EYS: variants seen among roughly 807,000 people sequenced by gnomAD.
EYS encodes the protein EGF-like photoreceptor maintenance factor.
In EYS, 250 loss-of-function variants were observed where a neutral mutation model predicts 282.1. The observed-to-expected ratio is 0.89, with a 90% CI of 0.80 to 0.98. The LOEUF is 0.98. Among genes scored for constraint, EYS ranks in the 50% least tolerant of loss-of-function variants. The pLI, the probability that EYS is intolerant of heterozygous loss-of-function variation, is 0.00. For missense variants in EYS, 4,016 were observed against 3,709.0 expected, an observed-to-expected ratio of 1.08 and a Z score of -2.15; for synonymous variants, 1,355 against 1,282.9, an observed-to-expected ratio of 1.06 and a Z score of -1.20.
intron 22 of EYS, among the ~76,000 whole-genome samples, chr6:64,697,047 C>A (rs531484361): frequency 6.6e-6 from 1 of 152,056 alleles, no homozygotes; most frequent in Non-Finnish European, 1.5e-5. Flanking sequence ...ACAACAGGAA[C>A]AAATCCTGTC....
At chr6:63,726,497 A>G (rs1469898032) in intron 42 of EYS, 22 bp downstream of exon 42, 1 of 1,540,480 alleles carries the variant, frequency 6.5e-7, no homozygotes, top group Admixed American at 2.1e-5. Flanking sequence ...CATTCTGCAA[A>G]CAAACAGCCT....
At chr6:65,633,070 A>G (rs556347590) in intron 2 of EYS, among the ~76,000 whole-genome samples, 2 of 152,346 alleles carry the variant, frequency 1.3e-5, no homozygotes, top group South Asian at 4.1e-4. Context: ...TGGCTCATAT[A>G]AAGATACTAT....
At chr6:64,578,467 C>T (rs1046678129) in intron 26 of EYS, among the ~76,000 whole-genome samples, 14 of 152,030 alleles carry the variant, frequency 9.2e-5, no homozygotes, top group African/African-American at 2.9e-4. Context: ...AAGTTGTCTT[C>T]GTCAAAGAGA....
rs58213904 is a variant in EYS, at chr6:65,214,158, C to CAAAA, written c.2023+81701_2023+81704dup. Reference sequence around the variant, plus strand: ...TGGGCGACAGAGCAAGACTCCGTCTCAAAAAAAAAAAAAAAAAAAAAAAAA... The same window carrying CAAAA: ...TGGGCGACAGAGCAAGACTCCGTCTCAAAAAAAAAAAAAAAAAAAAAAAAAAAAA... On this transcript the variant is annotated intron_variant, in intron 12 of 42. Transcript: ENST00000503581. Among the ~76,000 whole-genome samples, 55 of 29,258 alleles carry CAAAA rather than the reference C, an allele frequency of 1.9e-3. 5 individuals carry two copies. The highest frequency in any genetic ancestry group is 3.8e-3 in the Admixed American group (5 of 1,308). 19.2% of individuals were successfully genotyped at this position (29,258 alleles called of 152,430 possible).
At chr6:64,447,564 T>C (rs1775155682) in intron 26 of EYS, among the ~76,000 whole-genome samples, 1 of 152,176 alleles carries the variant, frequency 6.6e-6, no homozygotes, top group African/African-American at 2.4e-5. Context: ...AATTCATTAG[T>C]ACCTTGATCA....
At chr6:65,081,200 C>T (rs1308237127) in intron 12 of EYS, among the ~76,000 whole-genome samples, 2 of 152,016 alleles carry the variant, frequency 1.3e-5, no homozygotes, top group African/African-American at 4.8e-5. Context: ...CATTATGTGT[C>T]AGATACTGAA....
intron 31 of EYS, among the ~76,000 whole-genome samples, chr6:64,167,867 G>A (rs532636871): frequency 6.6e-6 from 1 of 152,170 alleles, no homozygotes; most frequent in East Asian, 1.9e-4. Context: ...TATATGAGCG[G>A]CATTATGTAC....
At chr6:65,125,677 C>T (rs1775698340) in intron 12 of EYS, among the ~76,000 whole-genome samples, 1 of 152,136 alleles carries the variant, frequency 6.6e-6, no homozygotes, top group Non-Finnish European at 1.5e-5. Context: ...TACTCCCTCA[C>T]ATCTATAAAA....
At chr6:64,607,736 G>A (rs1766981036) in intron 24 of EYS, among the ~76,000 whole-genome samples, 1 of 152,078 alleles carries the variant, frequency 6.6e-6, no homozygotes, top group South Asian at 2.1e-4. Context: ...TCTGAGTATG[G>A]CTCAGAGTGA....
At chr6:65,388,537 A>G (rs1007477474) in intron 7 of EYS, among the ~76,000 whole-genome samples, 3 of 151,994 alleles carry the variant, frequency 2.0e-5, no homozygotes, top group Non-Finnish European at 4.4e-5. Flanking sequence ...CTGTCTGGGA[A>G]ATGTGCACTT....
At chr6:65,213,244 T>G (rs1199914670) in intron 12 of EYS, among the ~76,000 whole-genome samples, 1 of 152,222 alleles carries the variant, frequency 6.6e-6, no homozygotes, top group African/African-American at 2.4e-5. Context: ...CTGTCATCCG[T>G]GTGCGCACCT....
At chr6:64,336,259 C>A (rs1313750965) in intron 29 of EYS, among the ~76,000 whole-genome samples, 1 of 152,048 alleles carries the variant, frequency 6.6e-6, no homozygotes, top group Non-Finnish European at 1.5e-5. Flanking sequence ...CACAAAAAGA[C>A]TCACATAAAC....
At chr6:64,559,271 A>ATGTGTGTGTGTGTGTGTGTGTGTG (rs4034160) in intron 26 of EYS, among the ~76,000 whole-genome samples, 1 of 142,208 alleles carries the variant, frequency 7.0e-6, no homozygotes, top group East Asian at 2.1e-4. Context: ...GTGTGTGTGC[A>ATGTGTGTGTGTGTGTGTGTGTGTG]TGTGTGTGTG....
intron 22 of EYS, among the ~76,000 whole-genome samples, chr6:64,734,219 G>T (rs937417711): frequency 6.6e-6 from 1 of 151,746 alleles, no homozygotes; most frequent in Non-Finnish European, 1.5e-5. Context: ...ATTCAGAAAA[G>T]CTTTGTTGAG....
chr6:64,298,499 T>C (rs1769118686), intron 30 of EYS, among the ~76,000 whole-genome samples: 1 of 152,150 alleles, frequency 6.6e-6, no homozygotes, highest in South Asian at 2.1e-4. Flanking sequence ...CTTTAGGCTG[T>C]TAATCGCATG....
intron 22 of EYS, among the ~76,000 whole-genome samples, chr6:64,720,604 T>C (rs1443849031): frequency 6.6e-6 from 1 of 152,188 alleles, no homozygotes; most frequent in Non-Finnish European, 1.5e-5. Context: ...CTAGAGTCTC[T>C]TTTTGCTTCA....
intron 33 of EYS, among the ~76,000 whole-genome samples, chr6:64,025,839 G>T (rs907945633): frequency 3.3e-5 from 5 of 152,072 alleles, no homozygotes; most frequent in Non-Finnish European, 7.4e-5. Context: ...CTTCATTTTT[G>T]GGGCATAACA....
At chr6:63,982,405 A>G (rs1305172435) in intron 35 of EYS, among the ~76,000 whole-genome samples, 1 of 151,712 alleles carries the variant, frequency 6.6e-6, no homozygotes, top group Admixed American at 6.6e-5. Context: ...GAAAGGGCCC[A>G]TTTTCAAGCT....
At chr6:65,284,144 T>C (rs1375982835) in intron 12 of EYS, among the ~76,000 whole-genome samples, 1 of 152,118 alleles carries the variant, frequency 6.6e-6, no homozygotes, top group African/African-American at 2.4e-5. Flanking sequence ...TAGCCTCTGT[T>C]CTGTTGCTAG....
Sources: allele counts gnomAD v4.1 joint callset (sites outside exome capture counted in the v4.1 genomes callset), GRCh38; gene constraint gnomAD v4.1.1; transcripts MANE v1.5; gene names NCBI Gene and HGNC (gene_info 2026-07-23, HGNC 2026-07-21).